Variants in AP1G2 observed in about 807,000 individuals in gnomAD.
AP1G2 encodes the protein AP-1 complex subunit gamma-like 2.
Under a neutral mutation model 95.8 loss-of-function variants are expected in AP1G2, and 85 were observed. The ratio of observed to expected loss-of-function variants is 0.89; its 90% CI spans 0.74 to 1.06. The LOEUF (loss-of-function observed/expected upper bound fraction) is 1.06. AP1G2 is among the 50% of genes least tolerant of loss of function. The pLI, the probability that AP1G2 is intolerant of heterozygous loss-of-function variation, is 0.00. For missense variants in AP1G2, 967 were observed against 1,005.8 expected (o/e 0.96, Z 0.52); for synonymous variants, 378 against 400.0 (o/e 0.94, Z 0.66).
Position 23,561,408 on chromosome 14 carries a change from T to A in AP1G2, c.1881A>T (p.Leu627=). ...CCCCAGAAGCCCCATCCAGGAGATC[T>A]AGCAGATCCAGGAGCTGTGAGGCCT... ...EPQASQLLDL[L]DLLDGASGDV... Residue 627 remains leucine, a synonymous_variant, in exon 19 of 22, where the codon CTA becomes CTT. Coordinates refer to ENST00000397120, the MANE Select transcript of AP1G2 (RefSeq NM_003917.5). The A allele has an allele frequency of 6.2e-7, 1 of 1,608,522 alleles. No homozygotes were observed. The highest frequency in any genetic ancestry group is 1.1e-5 in the South Asian group (1 of 90,714).
At chr14:23,563,936 C>T in intron 11 of AP1G2, 80 bp from the exon 12 acceptor site, 1 of 1,599,732 alleles carries the variant, frequency 6.3e-7, no homozygotes, top group Non-Finnish European at 8.5e-7. Context: ...TCCCCAGGGA[C>T]CTGTCCCCCT....
At chr14:23,562,915 TG>T in intron 14 of AP1G2, 1 of 556,194 alleles carries the variant, frequency 1.8e-6, no homozygotes, top group Non-Finnish European at 2.8e-6. Flanking sequence ...TGCCCTCTGG[TG>T]GCCAAGCATC....
Position 23,559,808 on chromosome 14 carries a change from G to A in AP1G2, c.2299C>T (p.His767Tyr), listed in dbSNP as rs1380943214. 2 of 1,614,164 alleles carry A rather than the reference G, an allele frequency of 1.2e-6. No individual in the cohort carries two copies. The highest frequency in any genetic ancestry group is 1.7e-5 in the Admixed American group (1 of 60,030). The stretch of plus-strand genomic sequence containing the variant: ...TCAAAGATCTCCTGCACCGACTGGT[G>A]AAAGTGGTCGTAGGTGAGGCGCAGC... ...LKLRLTYDHF[H>Y]QSVQEIFEVN... The change falls in exon 22 of 22, where the codon CAC becomes TAC. Residue 767 changes from histidine to tyrosine, a missense_variant. By Grantham distance (83) the His-to-Tyr change is moderately conservative (BLOSUM62 2). Coordinates refer to ENST00000397120, the MANE Select transcript of AP1G2 (RefSeq NM_003917.5).
chr14:23,564,452 GA>G, intron 9 of AP1G2, 64 bp from the exon 10 acceptor site: 1 of 1,605,304 alleles, frequency 6.2e-7, no homozygotes, highest in Non-Finnish European at 8.5e-7. Flanking sequence ...TGAGGACTGG[GA>G]ACACATTGGC....
chr14:23,561,683 T>G, intron 17 of AP1G2, 48 bp from the exon 18 acceptor site: 1 of 1,604,176 alleles, frequency 6.2e-7, no homozygotes. Context: ...TCTGGGCCTT[T>G]CACAAGAGGC....
At position 23,561,327 on chromosome 14, in the gene AP1G2, C is replaced by T. The variant is rs956503592; in HGVS notation, c.1962G>A (p.Leu654=). The part of the protein sequence containing the change: ...DPSPGGALVH[L]LDLPCVPPPP... ...GTGGAGGTACACAGGGAAGGTCAAG[C>T]AGGTGTACCAGGGCACCTCCTGGGG... The change falls in exon 19 of 22, where the codon CTG becomes CTA. Residue 654 remains leucine (L), a synonymous_variant. Transcript: ENST00000397120. The T allele has an allele frequency of 3.2e-6, 5 of 1,564,238 alleles. No individual in the cohort carries two copies. The African/African-American group carries it at 5.5e-5, about 17-fold the overall frequency.
chr14:23,567,460 A>G lies in AP1G2; in HGVS notation c.-5-141T>C. ...TGCGCCCGCATTTTACCTTTCCCGA[A>G]GTGGGTCTCCAAATTCCGCGCCCAC... On this transcript the variant is annotated intron_variant, in intron 1 of 21. Coordinates refer to ENST00000397120, the MANE Select transcript of AP1G2 (RefSeq NM_003917.5). The surrounding 1 kb of genome is among the most constrained non-coding windows in gnomAD (Gnocchi z 5.3). The G allele has an allele frequency of 7.1e-7, 1 of 1,404,250 alleles. No homozygotes were observed. Among genetic ancestry groups the G allele is most frequent in the Non-Finnish European group, 9.2e-7 (1 of 1,086,812 alleles). 87.0% of individuals were successfully genotyped at this position (1,404,250 alleles called of 1,614,324 possible).
chr14:23,564,165 C>G lies in AP1G2; in HGVS notation c.978-6G>C. The G allele has an allele frequency of 6.2e-7, 1 of 1,613,512 alleles. No homozygotes were observed. The highest frequency in any genetic ancestry group is 2.2e-5 in the East Asian group (1 of 44,880). ...GTGATGTCAGGGCTACATACCTGGT[C>G]AGGATGGGGGAGGTTCTATCATACC... On this transcript the variant is annotated splice_region_variant and splice_polypyrimidine_tract_variant and intron_variant, in intron 10 of 21. Transcript: ENST00000397120.
chr14:23,567,596 C>T lies in AP1G2; in HGVS notation c.-6+143G>A, dbSNP rs1256079682. 2 of 1,233,482 alleles carry T rather than the reference C, an allele frequency of 1.6e-6. No individual in the cohort carries two copies. The highest frequency in any genetic ancestry group is 1.0e-6 in the Non-Finnish European group (1 of 985,886). 76.4% of individuals were successfully genotyped at this position (1,233,482 alleles called of 1,614,324 possible). On this transcript the variant is annotated intron_variant, in intron 1 of 21. Transcript: ENST00000397120. The surrounding 1 kb of genome is among the most constrained non-coding windows in gnomAD (Gnocchi z 5.3). ...TTCTCTCTACCGTTTCCTCCCCCTA[C>T]CTGGTACCCCATCCCTAGCTCAGCC... is the stretch of plus-strand genomic sequence containing the variant.
At position 23,560,024 on chromosome 14, in the gene AP1G2, G is replaced by A; in HGVS notation, c.2170C>T (p.Gln724Ter). The A allele has an allele frequency of 6.2e-7, 1 of 1,606,550 alleles. No homozygotes were observed. Among genetic ancestry groups the A allele is most frequent in the South Asian group, 1.1e-5 (1 of 90,454 alleles). The change falls in exon 21 of 22, where the codon CAG becomes TAG. Residue 724 changes from glutamine (Q) to a stop codon, truncating the protein, a stop_gained. Coordinates refer to ENST00000397120, the MANE Select transcript of AP1G2 (RefSeq NM_003917.5). LOFTEE classifies it high-confidence loss of function. ...GTGTTCCCACTGGGGGCCTGCAGCT[G>A]CAGCTGGAGACTCTGAACACAGGAG... ...QAAVPKSLQL[Q>*]LQAPSGNTVP...
At chr14:23,562,226 AACTC>A in intron 16 of AP1G2, 58 bp downstream of exon 16, 1 of 1,606,254 alleles carries the variant, frequency 6.2e-7, no homozygotes, top group African/African-American at 1.3e-5. Context: ...CCTGGAAAGA[AACTC>A]AAAAATGGGT....
chr14:23,567,320 C>CT lies in AP1G2; in HGVS notation c.-5-2dup. The stretch of plus-strand genomic sequence containing the variant: ...TTCAGCGAAGGCACCACCATCCTGA[C>CT]TGGCAGAGTCCGGGAGTGGAGAAAC... On this transcript the variant is annotated splice_acceptor_variant, in intron 1 of 21. Coordinates refer to ENST00000397120, the MANE Select transcript of AP1G2 (RefSeq NM_003917.5). LOFTEE classifies it low-confidence loss of function (5UTR_SPLICE). The surrounding 1 kb of genome is among the most constrained non-coding windows in gnomAD (Gnocchi z 5.3). The CT allele has an allele frequency of 1.2e-6, 2 of 1,612,172 alleles. No homozygotes were observed. Among genetic ancestry groups the CT allele is most frequent in the Non-Finnish European group, 1.7e-6 (2 of 1,179,558 alleles).
intron 8 of AP1G2, 81 bp from the exon 9 acceptor site, chr14:23,564,741 G>T: frequency 7.5e-7 from 1 of 1,325,256 alleles, no homozygotes; most frequent in Non-Finnish European, 1.1e-6. Context: ...TCACTCTGTC[G>T]CCCAAAGCTC....
chr14:23,564,740 C>T (rs1217250047), intron 8 of AP1G2, 80 bp from the exon 9 acceptor site: 25 of 1,333,502 alleles, frequency 1.9e-5, no homozygotes, highest in Non-Finnish European at 2.3e-5. Flanking sequence ...CTCACTCTGT[C>T]GCCCAAAGCT....
chr14:23,561,724 C>A, intron 17 of AP1G2, 89 bp from the exon 18 acceptor site: 1 of 1,551,110 alleles, frequency 6.4e-7, no homozygotes, highest in Non-Finnish European at 8.7e-7. Context: ...ATATGGAGCC[C>A]TGGGCACATG....
Position 23,567,646 on chromosome 14 carries a change from C to T in AP1G2, c.-6+93G>A, listed in dbSNP as rs143446655. 5.3e-3 allele frequency: 5,807 copies of T among 1,091,522 alleles called. 18 individuals are homozygous for T. The highest frequency in any genetic ancestry group is 7.2e-3 in the South Asian group (217 of 30,038). 67.6% of individuals were successfully genotyped at this position (1,091,522 alleles called of 1,614,324 possible). On this transcript the variant is annotated intron_variant, in intron 1 of 21. Transcript: ENST00000397120. The surrounding 1 kb of genome is among the most constrained non-coding windows in gnomAD (Gnocchi z 5.3). ...CATTGCTTTTTTTTCCACGACCCTC[C>T]GCTGTTTCTTCCGCGAGCTTCCTCC...
At chr14:23,560,113 AC>A (rs1883453772) in intron 20 of AP1G2, 77 bp from the exon 21 acceptor site, 1 of 1,417,974 alleles carries the variant, frequency 7.1e-7, no homozygotes, top group African/African-American at 1.4e-5. Flanking sequence ...CAGTGGCTCC[AC>A]ACCCTTTTCC....
At chr14:23,565,014 G>C in intron 8 of AP1G2, 105 bp downstream of exon 8, 1 of 1,051,582 alleles carries the variant, frequency 9.5e-7, no homozygotes, top group Non-Finnish European at 1.5e-6. Flanking sequence ...AGGAGATGGA[G>C]AGGCAATTAC....
At chr14:23,566,959 G>T in intron 2 of AP1G2, 152 bp downstream of exon 2, 1 of 950,478 alleles carries the variant, frequency 1.1e-6, no homozygotes, top group East Asian at 2.6e-5. Flanking sequence ...GACCAGTAGG[G>T]GTAGCAATGG....
Sources: gnomAD v4.1 joint callset for allele counts on GRCh38, gnomAD v4.1.1 for gene constraint, Gnocchi (gnomAD v3.1) non-coding constraint, MANE v1.5 for transcripts, NCBI Gene and HGNC (gene_info 2026-07-23, HGNC 2026-07-21) for gene names.